ERBB4: variants seen among roughly 807,000 people sequenced by gnomAD.
The protein encoded by ERBB4 is receptor tyrosine-protein kinase erbB-4.
A neutral mutation model predicts 158.0 loss-of-function variants in ERBB4; 42 were observed. The observed-to-expected ratio is 0.27, with a 90% CI of 0.21 to 0.34. ERBB4 has a LOEUF of 0.34. ERBB4 is among the 10% of genes least tolerant of loss of function. The pLI, the probability that ERBB4 is intolerant of heterozygous loss-of-function variation, is 1.00. For synonymous variants in ERBB4, 583 were observed against 558.7 expected (o/e 1.04, Z -0.61); for missense variants, 1,333 against 1,624.1 (o/e 0.82, Z 3.08).
chr2:212,226,969 G>A (rs914217223), intron 1 of ERBB4, among the ~76,000 whole-genome samples: 4 of 152,062 alleles, frequency 2.6e-5, no homozygotes, highest in Admixed American at 2.0e-4. Flanking sequence ...CACAGGCCCG[G>A]GTGCAATGGC....
At chr2:211,510,299 G>A (rs947592823) in intron 20 of ERBB4, among the ~76,000 whole-genome samples, 2 of 151,960 alleles carry the variant, frequency 1.3e-5, no homozygotes, top group African/African-American at 4.8e-5. Flanking sequence ...TAATAAACAC[G>A]GGGCACTCTA....
At chr2:211,655,268 G>T (rs1435062350) in intron 16 of ERBB4, among the ~76,000 whole-genome samples, 3 of 152,072 alleles carry the variant, frequency 2.0e-5, no homozygotes, top group African/African-American at 7.2e-5. Flanking sequence ...AGCTCCTGGT[G>T]TGGCTTTAAA....
At chr2:211,737,847 G>C (rs937343733) in intron 5 of ERBB4, among the ~76,000 whole-genome samples, 1 of 151,986 alleles carries the variant, frequency 6.6e-6, no homozygotes, top group African/African-American at 2.4e-5. Flanking sequence ...ATCATTAACT[G>C]TCTTTTGTAG....
intron 2 of ERBB4, among the ~76,000 whole-genome samples, chr2:211,980,902 A>T (rs2081773733): frequency 6.6e-6 from 1 of 151,980 alleles, no homozygotes; most frequent in African/African-American, 2.4e-5. Flanking sequence ...TTCTTGTCAG[A>T]TTTGAGTAGA....
intron 1 of ERBB4, among the ~76,000 whole-genome samples, chr2:212,225,852 G>C (rs1293122458): frequency 6.6e-6 from 1 of 151,824 alleles, no homozygotes; most frequent in Non-Finnish European, 1.5e-5. Context: ...ATCCTGCTCT[G>C]TGTTCAGGCT....
intron 25 of ERBB4, among the ~76,000 whole-genome samples, chr2:211,416,854 C>T (rs1044047606): frequency 3.3e-5 from 5 of 150,816 alleles, no homozygotes; most frequent in African/African-American, 1.2e-4. Context: ...TTTCCCACTC[C>T]TCTGCGGGCC....
intron 1 of ERBB4, among the ~76,000 whole-genome samples, chr2:212,490,880 TAC>T (rs1164198154): frequency 2.0e-5 from 3 of 151,778 alleles, no homozygotes; most frequent in Non-Finnish European, 3.0e-5. Context: ...AAGCCTCTAC[TAC>T]AGTTTTTAAA....
chr2:211,745,732 A>AAAT (rs1553623617), intron 5 of ERBB4, among the ~76,000 whole-genome samples: 1 of 111,282 alleles, frequency 9.0e-6, no homozygotes, highest in Admixed American at 1.0e-4. Flanking sequence ...AACAAAAACA[A>AAAT]AACAAAAAAA....
intron 1 of ERBB4, among the ~76,000 whole-genome samples, chr2:212,268,509 C>A (rs1474964948): frequency 6.6e-6 from 1 of 151,758 alleles, no homozygotes; most frequent in African/African-American, 2.4e-5. Flanking sequence ...GAAAAAATTG[C>A]ATTTTTGAAA....
At chr2:211,523,530 C>G (rs947950259) in intron 20 of ERBB4, among the ~76,000 whole-genome samples, 4 of 151,564 alleles carry the variant, frequency 2.6e-5, no homozygotes, top group African/African-American at 9.7e-5. Context: ...TTCGGAGTTT[C>G]GTCCTTCTGG....
intron 1 of ERBB4, among the ~76,000 whole-genome samples, chr2:212,466,595 G>A (rs1311050335): frequency 6.6e-6 from 1 of 152,158 alleles, no homozygotes; most frequent in Non-Finnish European, 1.5e-5. Context: ...CTTGCCTTCT[G>A]CCATGATTGT....
chr2:211,508,580 G>A (rs750961820), intron 20 of ERBB4, among the ~76,000 whole-genome samples: 1 of 152,128 alleles, frequency 6.6e-6, no homozygotes, highest in Admixed American at 6.5e-5. Context: ...ATTCATCAAA[G>A]ATCTAGAACC....
At chr2:211,743,783 A>T (rs1196155550) in intron 5 of ERBB4, among the ~76,000 whole-genome samples, 1 of 152,170 alleles carries the variant, frequency 6.6e-6, no homozygotes, top group Non-Finnish European at 1.5e-5. Flanking sequence ...CTGTGGAGCA[A>T]TGCAGCCACC....
At chr2:212,083,337 G>C (rs977460322) in intron 2 of ERBB4, among the ~76,000 whole-genome samples, 15 of 151,910 alleles carry the variant, frequency 9.9e-5, no homozygotes, top group African/African-American at 3.6e-4. Flanking sequence ...ACCATTTAAA[G>C]AGCTATAAAC....
rs78785926 is a variant in ERBB4, at chr2:211,895,981, C to A, written c.421+51449G>T. Among the ~76,000 whole-genome samples the A allele has an allele frequency of 4.5e-3, 691 of 152,216 alleles. 7 individuals are homozygous for A. The highest frequency in any genetic ancestry group is 0.012 in the African/African-American group (511 of 41,538). On this transcript the variant is annotated intron_variant, in intron 3 of 27. Transcript: ENST00000342788. ...CCTTGTTCCCAGGTCTCTAGTCATT[C>A]CTTTGGTCTCCCTTAGTGTTCCCAC...
chr2:211,861,514 T>C (rs1206021862), intron 3 of ERBB4, among the ~76,000 whole-genome samples: 1 of 151,776 alleles, frequency 6.6e-6, no homozygotes, highest in African/African-American at 2.4e-5. Context: ...AAAAACAATA[T>C]TGATGGAACC....
In ERBB4 at chr2:212,431,137, G is replaced by C. The variant is rs535961761; in HGVS notation, c.82+107312C>G. On this transcript the variant is annotated intron_variant, in intron 1 of 27. Transcript: ENST00000342788. ...CAGAACCTCACGCTCCTATATCCAG[G>C]AGGACGAATGCTACTCAGCCTCTCT... Among the ~76,000 whole-genome samples the C allele has an allele frequency of 2.0e-5, 3 of 151,292 alleles. No homozygotes were observed. In the South Asian group the frequency reaches 6.3e-4, roughly 32 times the overall value.
intron 20 of ERBB4, among the ~76,000 whole-genome samples, chr2:211,431,425 G>C (rs988885715): frequency 1.3e-4 from 20 of 152,102 alleles, no homozygotes. Flanking sequence ...TAGTAAATAA[G>C]CTAACATATG....
At chr2:211,738,733 C>G (rs921320972) in intron 5 of ERBB4, among the ~76,000 whole-genome samples, 26 of 150,794 alleles carry the variant, frequency 1.7e-4, no homozygotes, top group Non-Finnish European at 2.2e-4. Flanking sequence ...ATGGTGTGAT[C>G]TTGGCTCACT....
Sources: gnomAD v4.1 joint callset for allele counts (sites outside exome capture counted in the v4.1 genomes callset) on GRCh38, gnomAD v4.1.1 for gene constraint, MANE v1.5 for transcripts, NCBI Gene and HGNC (gene_info 2026-07-23, HGNC 2026-07-21) for gene names.